The following PCDHA9 variants were observed in gnomAD, a reference collection of about 807,000 sequenced individuals.
PCDHA9 encodes protocadherin alpha 9.
PCDHA9 carries 62 observed loss-of-function variants against 62.0 expected under a neutral mutation model. The ratio of observed to expected loss-of-function variants is 1.00; its 90% CI spans 0.81 to 1.23. PCDHA9 has a LOEUF of 1.23. Ranked by LOEUF, PCDHA9 falls within the 50% of genes most tolerant of loss-of-function variation. The pLI is 0.00. For synonymous variants in PCDHA9, 557 were observed against 567.6 expected, an observed-to-expected ratio of 0.98 and a Z score of 0.27; for missense variants, 1,205 against 1,249.8, an observed-to-expected ratio of 0.96 and a Z score of 0.54.
chr5:140,959,000 G>A (rs1239762631), intron 1 of PCDHA9, among the ~76,000 whole-genome samples: 1 of 151,884 alleles, frequency 6.6e-6, no homozygotes, highest in Admixed American at 6.6e-5. Flanking sequence ...ATCTTTTACT[G>A]TACCTAATTT....
In PCDHA9 at chr5:140,850,498, C is replaced by G; in HGVS notation, c.2003C>G (p.Ser668Trp). The G allele has an allele frequency of 1.3e-6, 2 of 1,598,138 alleles. 1 individual carries two copies. The highest frequency in any genetic ancestry group is 4.5e-5 in the East Asian group (2 of 44,830). ...ACGGCCACGGCCACTGTGCTGGTGT[C>G]GCTGGTGGAGAGCGGCCAGGCGCCA... ...ALTATATVLVSLVESGQAPKS... is the reference protein window; with the variant it reads ...ALTATATVLVWLVESGQAPKS... The change falls in exon 1 of 4, where the codon TCG becomes TGG. Residue 668 changes from serine to tryptophan, a missense_variant. Around this residue, in one of 3 missense-constraint regions of PCDHA9, gnomAD observed 887 missense variants for 809.5 expected, o/e 1.10. Transcript: ENST00000532602.
At chr5:140,957,252 A>C (rs557518275) in intron 1 of PCDHA9, among the ~76,000 whole-genome samples, 80 of 152,330 alleles carry the variant, frequency 5.3e-4, no homozygotes, top group African/African-American at 1.9e-3. Context: ...CCTAAAATTT[A>C]AATATGTAAG....
chr5:140,907,517 G>A (rs1174112923), intron 1 of PCDHA9, among the ~76,000 whole-genome samples: 3 of 152,192 alleles, frequency 2.0e-5, no homozygotes, highest in Non-Finnish European at 4.4e-5. Flanking sequence ...TTCCAGTGAG[G>A]ACAAATCGCT....
chr5:140,912,426 G>T (rs1349647535), intron 1 of PCDHA9, among the ~76,000 whole-genome samples: 1 of 151,784 alleles, frequency 6.6e-6, no homozygotes, highest in Non-Finnish European at 1.5e-5. Flanking sequence ...GTGTATAGCA[G>T]TGTTGCTGAT....
Position 141,009,656 on chromosome 5 carries a change from G to T in PCDHA9, c.2572G>T (p.Val858Phe). The T allele has an allele frequency of 6.2e-7, 1 of 1,614,000 alleles. No individual in the cohort carries two copies. The highest frequency in any genetic ancestry group is 8.5e-7 in the Non-Finnish European group (1 of 1,179,978). Residue 858 changes from valine (V) to phenylalanine (F), a missense_variant, in exon 4 of 4, where the codon GTC (valine) becomes TTC (phenylalanine). Physicochemically the swap from Val to Phe is conservative, Grantham distance 50. Coordinates refer to ENST00000532602, the MANE Select transcript of PCDHA9 (RefSeq NM_031857.2). The stretch of plus-strand genomic sequence containing the variant: ...AGAGGCAGGAGAAGTGTCCCCTCCA[G>T]TCGGTGCGGGTGTCAACAGCAACAG... Reference protein sequence around the residue: ...EPEAGEVSPPVGAGVNSNSWT... With the variant: ...EPEAGEVSPPFGAGVNSNSWT...
At chr5:140,877,141 G>T (rs1554169360) in intron 1 of PCDHA9, 2 of 1,613,680 alleles carry the variant, frequency 1.2e-6, no homozygotes, top group African/African-American at 1.3e-5. Flanking sequence ...GTTCGTGCTG[G>T]ACGAGAACGA....
At chr5:140,856,187 A>G (rs781874204) in intron 1 of PCDHA9, 4 of 1,598,212 alleles carry the variant, frequency 2.5e-6, no homozygotes, top group African/African-American at 2.7e-5. Flanking sequence ...CGTGGGCCGC[A>G]TCGCGCAGGA....
At chr5:140,892,552 T>A (rs1041756319) in intron 1 of PCDHA9, among the ~76,000 whole-genome samples, 1 of 152,222 alleles carries the variant, frequency 6.6e-6, no homozygotes, top group East Asian at 1.9e-4. Flanking sequence ...GTTTCTCTAG[T>A]CCTTGGAGAC....
chr5:140,858,157 C>T (rs782793736), intron 1 of PCDHA9: 2 of 1,597,628 alleles, frequency 1.3e-6, no homozygotes, highest in Admixed American at 1.7e-5. Flanking sequence ...TCGCCATCTG[C>T]GCGGTGTCCA....
At chr5:140,985,072 A>C (rs2097134751) in intron 3 of PCDHA9, among the ~76,000 whole-genome samples, 1 of 151,864 alleles carries the variant, frequency 6.6e-6, no homozygotes, top group Admixed American at 6.6e-5. Flanking sequence ...TGAGTAGCTG[A>C]GACTACAGGC....
chr5:140,853,847 G>T, intron 1 of PCDHA9: 1 of 986,430 alleles, frequency 1.0e-6, no homozygotes, highest in Non-Finnish European at 1.2e-6. Flanking sequence ...TAGATCCATA[G>T]CCCTATTTGA....
chr5:140,869,663 A>G (rs782419090), intron 1 of PCDHA9: 5 of 1,613,538 alleles, frequency 3.1e-6, no homozygotes, highest in Non-Finnish European at 4.2e-6. Flanking sequence ...ACAAATGGTA[A>G]GCAGATTAAA....
At chr5:141,001,455 G>T (rs2098019131) in intron 3 of PCDHA9, among the ~76,000 whole-genome samples, 1 of 152,210 alleles carries the variant, frequency 6.6e-6, no homozygotes, top group Non-Finnish European at 1.5e-5. Flanking sequence ...ACTGTCAATT[G>T]AAGGACTAAG....
chr5:140,890,594 T>A (rs1439050160), intron 1 of PCDHA9, among the ~76,000 whole-genome samples: 1 of 152,150 alleles, frequency 6.6e-6, no homozygotes, highest in East Asian at 1.9e-4. Context: ...GAAGCCCTTT[T>A]CCGAATAGCT....
chr5:141,010,291 G>A lies in PCDHA9; in HGVS notation c.*354G>A. ...GGATCCTGTCTTGATGACACTTGCA[G>A]GGCAGGCTGAAAAGTTTTGAGATTG... On this transcript the variant is annotated 3_prime_UTR_variant, in exon 4 of 4. Coordinates refer to ENST00000532602, the MANE Select transcript of PCDHA9 (RefSeq NM_031857.2). 1.3e-6 allele frequency: 2 copies of A among 1,549,990 alleles called. No individual in the cohort carries two copies. The highest frequency in any genetic ancestry group is 1.2e-5 in the South Asian group (1 of 83,762).
chr5:140,932,975 A>G (rs2088770619), intron 1 of PCDHA9, among the ~76,000 whole-genome samples: 1 of 152,012 alleles, frequency 6.6e-6, no homozygotes, highest in African/African-American at 2.4e-5. Flanking sequence ...GGTTTTTACA[A>G]TGCTCAAATG....
chr5:140,857,164 C>A (rs782269515), intron 1 of PCDHA9: 3 of 1,598,230 alleles, frequency 1.9e-6, no homozygotes, highest in South Asian at 1.1e-5. Context: ...CCCTAATCAG[C>A]GTTTCTGACC....
At chr5:140,979,129 A>T (rs1316213932) in intron 2 of PCDHA9, 122 bp downstream of exon 2, 1 of 1,477,514 alleles carries the variant, frequency 6.8e-7, no homozygotes, top group Non-Finnish European at 9.0e-7. Flanking sequence ...CTTTGCCAGG[A>T]AAATGCAATT....
In PCDHA9 at chr5:140,946,631, T is replaced by TATATATATATATATATATATAC. The variant is rs57893927; in HGVS notation, c.2395-32317_2395-32316insTATATATATATATATATATACA. 3.0e-3 allele frequency among the ~76,000 whole-genome samples: 389 copies of TATATATATATATATATATATAC among 131,774 alleles called. 27 individuals are homozygous for TATATATATATATATATATATAC. The highest frequency in any genetic ancestry group is 0.013 in the African/African-American group (369 of 28,648). 86.4% of individuals were successfully genotyped at this position (131,774 alleles called of 152,430 possible). A position where few individuals can be genotyped will look rare whatever the true frequency, so the allele number is the denominator to read the frequency against. ...TGTGAAATATATATATATATATATA[T>TATATATATATATATATATATAC]ACAATGGAATACTCATCAGCCATTA... On this transcript the variant is annotated intron_variant, in intron 1 of 3. Coordinates refer to ENST00000532602, the MANE Select transcript of PCDHA9 (RefSeq NM_031857.2).
Sources: gnomAD v4.1 joint callset for allele counts (sites outside exome capture counted in the v4.1 genomes callset) on GRCh38, gnomAD v4.1.1 for gene constraint, gnomAD v4.1.1 regional missense constraint, MANE v1.5 for transcripts, NCBI Gene and HGNC (gene_info 2026-07-23, HGNC 2026-07-21) for gene names.